The following SYTL3 variants were observed in gnomAD, a reference collection of about 807,000 sequenced individuals.
The protein encoded by SYTL3 is synaptotagmin like 3, also known as synaptotagmin-like protein 3.
SYTL3 carries 88 observed loss-of-function variants against 82.1 expected under a neutral mutation model. That is an observed-to-expected ratio of 1.07 (90% CI 0.90 to 1.28). The LOEUF is 1.28. Ranked by LOEUF, SYTL3 falls within the 50% of genes most tolerant of loss-of-function variation. SYTL3 has a pLI of 0.00. For missense variants in SYTL3, 831 were observed against 757.6 expected (o/e 1.10, Z -1.14); for synonymous variants, 311 against 289.4 (o/e 1.07, Z -0.76).
At chr6:158,672,090 T>C (rs1256767658) in intron 5 of SYTL3, among the ~76,000 whole-genome samples, 1 of 151,978 alleles carries the variant, frequency 6.6e-6, no homozygotes, top group East Asian at 1.9e-4. Context: ...CAGGAGTTCA[T>C]GACCAGCCTG....
At chr6:158,750,558 G>T (rs750688576) in intron 12 of SYTL3, among the ~76,000 whole-genome samples, 1 of 152,148 alleles carries the variant, frequency 6.6e-6, no homozygotes, top group African/African-American at 2.4e-5. Context: ...TTGCTTTGCC[G>T]TCTAGGCTGG....
intron 6 of SYTL3, among the ~76,000 whole-genome samples, chr6:158,700,647 T>C (rs575290332): frequency 2.1e-4 from 32 of 152,184 alleles, no homozygotes; most frequent in Middle Eastern, 3.4e-3. Context: ...GACGGAGTCT[T>C]GCTCTGTCGC....
Position 158,760,391 on chromosome 6 carries a change from C to T in SYTL3, c.1309-249C>T, listed in dbSNP as rs568829840. ...CAGTGCCCTTGAGTCCCTTCACTTC[C>T]TCAGGCTCATCTGGCTCTGGTTCGC... On this transcript the variant is annotated intron_variant, in intron 14 of 17. Transcript: ENST00000611299. 6.6e-5 allele frequency among the ~76,000 whole-genome samples: 10 copies of T among 152,266 alleles called. No individual in the cohort carries two copies. In the South Asian group the frequency reaches 2.1e-3, roughly 32 times the overall value.
intron 10 of SYTL3, among the ~76,000 whole-genome samples, chr6:158,720,127 C>A (rs972164281): frequency 6.6e-6 from 1 of 151,694 alleles, no homozygotes; most frequent in Non-Finnish European, 1.5e-5. Context: ...ATTGGCCGGG[C>A]ACCATGGCTC....
At chr6:158,654,376 G>T (rs9457424) in intron 2 of SYTL3, among the ~76,000 whole-genome samples, 28,765 of 152,046 alleles carry the variant, frequency 0.19, 2,803 homozygotes, top group African/African-American at 0.25. Context: ...AATCAGTGTT[G>T]AACTGACACA....
Position 158,763,528 on chromosome 6 carries a change from G to GCC in SYTL3, c.1723+21_1723+22dup, listed in dbSNP as rs1790296809. ...GGTTCAAGTAAGTCTGAGACATTGA[G>GCC]CCCAAACGTTTATACTTTGTGATTA... On this transcript the variant is annotated intron_variant, in intron 17 of 17. Transcript: ENST00000611299. 3 of 1,604,496 alleles carry GCC rather than the reference G, an allele frequency of 1.9e-6. No homozygotes were observed. The highest frequency in any genetic ancestry group is 2.7e-5 in the African/African-American group (2 of 74,646).
Position 158,764,760 on chromosome 6 carries a change from ATC to A in SYTL3, c.*158_*159del. On this transcript the variant is annotated 3_prime_UTR_variant, in exon 18 of 18. Coordinates refer to ENST00000611299, the MANE Select transcript of SYTL3 (RefSeq NM_001242394.2). ...TCCCATGGCTTAACCGCCTATTGGT[ATC>A]TGTGTATATTTACGTTAAACACAAT... 1.7e-6 allele frequency: 1 copy of A among 577,578 alleles called. No individual in the cohort carries two copies. Among genetic ancestry groups the A allele is most frequent in the East Asian group, 2.8e-5 (1 of 35,476 alleles). The allele number at this position is 577,578 out of a possible 1,614,324, so 35.8% of individuals were successfully genotyped here. A position where few individuals can be genotyped will look rare whatever the true frequency, so the allele number is the denominator to read the frequency against.
intron 11 of SYTL3, among the ~76,000 whole-genome samples, chr6:158,741,047 A>G (rs1290833112): frequency 6.6e-6 from 1 of 152,126 alleles, no homozygotes; most frequent in Admixed American, 6.6e-5. Context: ...AAAACTTTGT[A>G]GCCTGATTTG....
chr6:158,740,807 C>T (rs990008966), intron 11 of SYTL3, among the ~76,000 whole-genome samples: 3 of 152,170 alleles, frequency 2.0e-5, no homozygotes, highest in African/African-American at 7.2e-5. Flanking sequence ...TTGGCTCAAA[C>T]ACATCTTTAT....
intron 11 of SYTL3, among the ~76,000 whole-genome samples, chr6:158,729,493 C>G (rs1203341812): frequency 6.6e-6 from 1 of 152,090 alleles, no homozygotes; most frequent in Non-Finnish European, 1.5e-5. Flanking sequence ...TACATTTCAA[C>G]ATGTGGATAC....
At chr6:158,724,753 G>A (rs1172654308) in intron 10 of SYTL3, among the ~76,000 whole-genome samples, 2 of 152,196 alleles carry the variant, frequency 1.3e-5, no homozygotes, top group African/African-American at 2.4e-5. Context: ...GGTGGCTCAC[G>A]CCTGTAATCC....
At chr6:158,657,678 A>G (rs1004956281) in intron 2 of SYTL3, among the ~76,000 whole-genome samples, 1 of 152,150 alleles carries the variant, frequency 6.6e-6, no homozygotes. Flanking sequence ...ACAAGGTGAA[A>G]TAGTCAGATG....
intron 2 of SYTL3, among the ~76,000 whole-genome samples, chr6:158,654,827 T>G (rs932924207): frequency 2.6e-5 from 4 of 152,110 alleles, no homozygotes; most frequent in African/African-American, 9.7e-5. Context: ...TCGGGGGGGC[T>G]TCTCCACATG....
chr6:158,703,822 C>CATTATTATTATT (rs71761794), intron 6 of SYTL3, among the ~76,000 whole-genome samples: 1 of 129,514 alleles, frequency 7.7e-6, no homozygotes, highest in Non-Finnish European at 1.8e-5. Context: ...ATATTATTAT[C>CATTATTATTATT]ATTATTATTA....
Position 158,693,850 on chromosome 6 carries a change from C to CTTTTTTTTT in SYTL3, c.394+10865_394+10866insTTTTTTTTT, listed in dbSNP as rs1357595960. 3.1e-4 allele frequency among the ~76,000 whole-genome samples: 18 copies of CTTTTTTTTT among 58,436 alleles called. 1 individual carries two copies. Among genetic ancestry groups the CTTTTTTTTT allele is most frequent in the African/African-American group, 1.2e-3 (9 of 7,440 alleles). 38.3% of individuals were successfully genotyped at this position (58,436 alleles called of 152,430 possible). A position where few individuals can be genotyped will look rare whatever the true frequency, so the allele number is the denominator to read the frequency against. On this transcript the variant is annotated intron_variant, in intron 6 of 17. Coordinates refer to ENST00000611299, the MANE Select transcript of SYTL3 (RefSeq NM_001242394.2). Reference sequence around the variant, plus strand: ...GCCACTGCATCCAGCCTTTCTTTTTCTTTTCTTTTTTTTTTTTTTTTTTGT... The same window carrying CTTTTTTTTT: ...GCCACTGCATCCAGCCTTTCTTTTTCTTTTTTTTTTTTTCTTTTTTTTTTTTTTTTTTGT...
rs575358067 is a variant in SYTL3, at chr6:158,693,855, C to CTTTTTTTT, written c.394+10877_394+10884dup. Among the ~76,000 whole-genome samples the CTTTTTTTT allele has an allele frequency of 8.2e-4, 79 of 96,854 alleles. 5 individuals are homozygous for CTTTTTTTT. The highest frequency in any genetic ancestry group is 5.6e-3 in the Middle Eastern group (1 of 178). 63.5% of individuals were successfully genotyped at this position (96,854 alleles called of 152,430 possible). A position where few individuals can be genotyped will look rare whatever the true frequency, so the allele number is the denominator to read the frequency against. On this transcript the variant is annotated intron_variant, in intron 6 of 17. Coordinates refer to ENST00000611299, the MANE Select transcript of SYTL3 (RefSeq NM_001242394.2). ...TGCATCCAGCCTTTCTTTTTCTTTT[C>CTTTTTTTT]TTTTTTTTTTTTTTTTTTGTAGATA...
intron 6 of SYTL3, among the ~76,000 whole-genome samples, chr6:158,688,361 G>A (rs973285340): frequency 2.0e-5 from 3 of 152,190 alleles, no homozygotes; most frequent in Non-Finnish European, 4.4e-5. Context: ...CTCTGGGAGT[G>A]TGTGCTTATT....
chr6:158,706,385 G>C (rs144843545), intron 6 of SYTL3, among the ~76,000 whole-genome samples: 1 of 152,246 alleles, frequency 6.6e-6, no homozygotes, highest in African/African-American at 2.4e-5. Flanking sequence ...CTTACTGTCC[G>C]TGTCCTTCAG....
At chr6:158,659,279 A>G (rs997729569) in intron 2 of SYTL3, among the ~76,000 whole-genome samples, 4 of 152,234 alleles carry the variant, frequency 2.6e-5, no homozygotes, top group African/African-American at 9.6e-5. Flanking sequence ...ATATAGTGAT[A>G]CAGAAAGTAC....
Sources: allele counts gnomAD v4.1 joint callset (sites outside exome capture counted in the v4.1 genomes callset), GRCh38; gene constraint gnomAD v4.1.1; transcripts MANE v1.5; gene names NCBI Gene and HGNC (gene_info 2026-07-23, HGNC 2026-07-21).